Variants in YAF2 observed in about 807,000 individuals in gnomAD.
The protein encoded by YAF2 is YY1-associated factor 2.
In YAF2, 7 loss-of-function variants were observed where a neutral mutation model predicts 20.1. The observed-to-expected ratio is 0.35, with a 90% CI of 0.20 to 0.65. YAF2 has a LOEUF of 0.65. YAF2 is among the 30% of genes least tolerant of loss of function. The pLI, the probability that YAF2 is intolerant of heterozygous loss-of-function variation, is 0.69. For synonymous variants in YAF2, 74 were observed against 76.0 expected, an observed-to-expected ratio of 0.97 and a Z score of 0.14; for missense variants, 151 against 219.2, an observed-to-expected ratio of 0.69 and a Z score of 1.96.
chr12:42,186,607 G>A (rs2066481047), intron 2 of YAF2, among the ~76,000 whole-genome samples: 1 of 152,064 alleles, frequency 6.6e-6, no homozygotes, highest in Non-Finnish European at 1.5e-5. Context: ...AACCCAGGAG[G>A]TGGAGGTTGC....
In YAF2 at chr12:42,226,694, G is replaced by A. The variant is rs150651400; in HGVS notation, c.152+10905C>T. Among the ~76,000 whole-genome samples, 212 of 152,162 alleles carry A rather than the reference G, an allele frequency of 1.4e-3. 5 individuals carry two copies. In the East Asian group the frequency reaches 0.037, roughly 26 times the overall value. On this transcript the variant is annotated intron_variant, in intron 2 of 3. Transcript: ENST00000534854. ...ATAAATAAATAAATAATGCTAAAAC[G>A]ATTTATACCTACAACTTAGAGACAA...
intron 2 of YAF2, among the ~76,000 whole-genome samples, chr12:42,209,959 C>T (rs1051065614): frequency 5.3e-5 from 8 of 152,082 alleles, no homozygotes; most frequent in Non-Finnish European, 1.0e-4. Context: ...CCACCATGCC[C>T]GGCTAATTTT....
At chr12:42,237,760 G>T in intron 1 of YAF2, 36 bp from the exon 2 acceptor site, 1 of 1,442,074 alleles carries the variant, frequency 6.9e-7, no homozygotes, top group Non-Finnish European at 9.2e-7. Flanking sequence ...GCGGCGCGGG[G>T]TCACCAGCAG....
intron 2 of YAF2, among the ~76,000 whole-genome samples, chr12:42,222,909 G>A (rs2067563395): frequency 2.0e-5 from 3 of 151,854 alleles, no homozygotes; most frequent in Admixed American, 1.3e-4. Context: ...GGAATAAATG[G>A]TGGCTTATAA....
chr12:42,170,070 C>T (rs544920323), intron 2 of YAF2, among the ~76,000 whole-genome samples: 1 of 152,030 alleles, frequency 6.6e-6, no homozygotes, highest in Admixed American at 6.6e-5. Flanking sequence ...GAGGGTCTCA[C>T]AACGTGGCCC....
chr12:42,207,537 G>GA (rs905165679), intron 2 of YAF2, among the ~76,000 whole-genome samples: 1 of 151,942 alleles, frequency 6.6e-6, no homozygotes, highest in South Asian at 2.1e-4. Flanking sequence ...TTGTTTTTAA[G>GA]AAAAAAATAT....
chr12:42,166,140 C>T (rs2065912120), intron 2 of YAF2, among the ~76,000 whole-genome samples: 1 of 152,034 alleles, frequency 6.6e-6, no homozygotes, highest in Non-Finnish European at 1.5e-5. Context: ...CTTGAACGCC[C>T]AACCTCAGGT....
chr12:42,233,583 C>A (rs765377380), intron 2 of YAF2: 14 of 746,968 alleles, frequency 1.9e-5, no homozygotes, highest in Non-Finnish European at 2.3e-5. Flanking sequence ...ATGATCACAG[C>A]TCACTGCAAC....
chr12:42,204,032 A>T (rs1030441598), intron 2 of YAF2, among the ~76,000 whole-genome samples: 2 of 152,212 alleles, frequency 1.3e-5, no homozygotes, highest in Admixed American at 6.5e-5. Flanking sequence ...ACTGCACTGC[A>T]CTACAGCCTC....
chr12:42,161,535 T>A, intron 3 of YAF2, 78 bp downstream of exon 3: 2 of 1,432,462 alleles, frequency 1.4e-6, no homozygotes, highest in Non-Finnish European at 1.8e-6. Flanking sequence ...CCACTTTGTG[T>A]ATATTAGTAT....
At chr12:42,197,571 G>C (rs1459609146) in intron 2 of YAF2, among the ~76,000 whole-genome samples, 2 of 152,140 alleles carry the variant, frequency 1.3e-5, no homozygotes, top group Non-Finnish European at 2.9e-5. Flanking sequence ...TAACAGGGTT[G>C]GGAAGAACTA....
intron 2 of YAF2, among the ~76,000 whole-genome samples, chr12:42,189,302 T>C (rs1176172237): frequency 6.6e-6 from 1 of 152,236 alleles, no homozygotes; most frequent in Non-Finnish European, 1.5e-5. Flanking sequence ...ATTGATATAT[T>C]AACTGGTCTG....
intron 2 of YAF2, among the ~76,000 whole-genome samples, chr12:42,219,337 C>T (rs957441540): frequency 3.9e-5 from 6 of 152,208 alleles, no homozygotes; most frequent in African/African-American, 9.6e-5. Context: ...CCTCTTATTT[C>T]CTGAAGCCTG....
intron 2 of YAF2, among the ~76,000 whole-genome samples, chr12:42,177,517 A>C (rs1468440961): frequency 6.6e-6 from 1 of 152,132 alleles, no homozygotes; most frequent in Admixed American, 6.6e-5. Flanking sequence ...CAAGGCCACC[A>C]ATCCTACTGG....
intron 2 of YAF2, among the ~76,000 whole-genome samples, chr12:42,204,799 A>G (rs976493404): frequency 3.3e-5 from 5 of 152,224 alleles, no homozygotes; most frequent in African/African-American, 1.2e-4. Flanking sequence ...ACACATGCTA[A>G]GTGAAAGAAA....
intron 2 of YAF2, among the ~76,000 whole-genome samples, chr12:42,213,118 C>T (rs1032559672): frequency 1.2e-4 from 18 of 152,226 alleles, no homozygotes; most frequent in African/African-American, 4.1e-4. Flanking sequence ...CCAAGGCGGG[C>T]CTTTCTCTCA....
intron 2 of YAF2, among the ~76,000 whole-genome samples, chr12:42,194,249 G>A (rs2137118088): frequency 6.6e-6 from 1 of 152,318 alleles, no homozygotes; most frequent in Admixed American, 6.5e-5. Context: ...GTGGCATACA[G>A]TAATTTCCTA....
intron 2 of YAF2, among the ~76,000 whole-genome samples, chr12:42,236,732 T>G (rs1255449210): frequency 6.6e-6 from 1 of 152,210 alleles, no homozygotes; most frequent in African/African-American, 2.4e-5. Context: ...TCAAAATACA[T>G]ATCTTCTCTA....
chr12:42,227,681 G>C (rs550815761), intron 2 of YAF2, among the ~76,000 whole-genome samples: 5 of 143,068 alleles, frequency 3.5e-5, no homozygotes, highest in Non-Finnish European at 6.1e-5. Flanking sequence ...CTCTCCGCCC[G>C]GCAGCCACCC....
Sources: gnomAD v4.1 joint callset for allele counts (sites outside exome capture counted in the v4.1 genomes callset) on GRCh38, gnomAD v4.1.1 for gene constraint, MANE v1.5 for transcripts, NCBI Gene and HGNC (gene_info 2026-07-23, HGNC 2026-07-21) for gene names.